The following PTPRD variants were observed in gnomAD, a reference collection of about 807,000 sequenced individuals.
The protein encoded by PTPRD is protein tyrosine phosphatase receptor type D.
Under a neutral mutation model 214.5 loss-of-function variants are expected in PTPRD, and 34 were observed. The observed-to-expected ratio is 0.16, with a 90% confidence interval of 0.12 to 0.21. The LOEUF is 0.21. Ranked by LOEUF, PTPRD falls within the 10% of genes least tolerant of loss-of-function variation. The pLI, the probability that PTPRD is intolerant of heterozygous loss-of-function variation, is 1.00. For missense variants in PTPRD, 2,545 were observed against 2,398.7 expected (o/e 1.06, Z -1.27); for synonymous variants, 1,128 against 845.7 (o/e 1.33, Z -5.79).
At chr9:8,757,372 T>C (rs1349012779) in intron 11 of PTPRD, among the ~76,000 whole-genome samples, 1 of 152,050 alleles carries the variant, frequency 6.6e-6, no homozygotes, top group Non-Finnish European at 1.5e-5. Flanking sequence ...AAAAAGCGTA[T>C]CAATAATCAG....
intron 6 of PTPRD, among the ~76,000 whole-genome samples, chr9:9,754,239 T>C (rs1223576800): frequency 6.6e-6 from 1 of 152,068 alleles, no homozygotes; most frequent in Non-Finnish European, 1.5e-5. Flanking sequence ...TTAATATGAC[T>C]TCCTGGTTCT....
chr9:8,331,723 C>A lies in PTPRD; in HGVS notation c.5393G>T (p.Arg1798Leu), dbSNP rs367558329. ...AGTGAACTGGAACTGCCTTACTGTT[C>A]GGGACTGGCCGTCCTTTAGAAGGAA... ...KVTDARDGQS[R>L]TVRQFQFTDW... The change falls in exon 44 of 46, where the codon CGA (arginine) becomes CTA (leucine). Residue 1798 changes from arginine to leucine, a missense_variant. Transcript: ENST00000381196. 5 of 1,599,100 alleles carry A rather than the reference C, an allele frequency of 3.1e-6. No individual in the cohort carries two copies. The South Asian group carries it at 3.4e-5, about 11-fold the overall frequency.
intron 11 of PTPRD, among the ~76,000 whole-genome samples, chr9:8,768,970 G>A (rs1485657310): frequency 6.6e-6 from 1 of 152,152 alleles, no homozygotes; most frequent in Admixed American, 6.6e-5. Flanking sequence ...CAGATTTCCC[G>A]TGTTTCAAGG....
intron 9 of PTPRD, among the ~76,000 whole-genome samples, chr9:9,247,323 T>A (rs2099973515): frequency 6.6e-6 from 1 of 152,058 alleles, no homozygotes; most frequent in African/African-American, 2.4e-5. Context: ...TTGTGTCCAA[T>A]CACATTTCTA....
chr9:8,506,332 T>G (rs1425647490), intron 22 of PTPRD, among the ~76,000 whole-genome samples: 1 of 152,148 alleles, frequency 6.6e-6, no homozygotes, highest in African/African-American at 2.4e-5. Context: ...ATTAACTCCT[T>G]TTGTCCTAAT....
chr9:8,529,524 G>A (rs984970000), intron 14 of PTPRD, among the ~76,000 whole-genome samples: 1 of 152,116 alleles, frequency 6.6e-6, no homozygotes, highest in Admixed American at 6.6e-5. Context: ...ATCATTTTCA[G>A]TAATTAAAAA....
intron 2 of PTPRD, among the ~76,000 whole-genome samples, chr9:10,472,765 A>T (rs1294556115): frequency 6.6e-6 from 1 of 152,086 alleles, no homozygotes; most frequent in Non-Finnish European, 1.5e-5. Flanking sequence ...CATCCTAGAA[A>T]ACTCAAATTA....
chr9:9,875,024 A>C (rs976110841), intron 5 of PTPRD, among the ~76,000 whole-genome samples: 4 of 152,176 alleles, frequency 2.6e-5, no homozygotes, highest in Admixed American at 2.6e-4. Context: ...AAGGATTCTG[A>C]GAATGATTAG....
chr9:8,547,924 C>G (rs940080707), intron 14 of PTPRD, among the ~76,000 whole-genome samples: 14 of 152,168 alleles, frequency 9.2e-5, no homozygotes, highest in African/African-American at 3.1e-4. Context: ...CTCAGACTCT[C>G]TGTGTAAAAC....
chr9:9,113,233 C>G (rs189687576), intron 10 of PTPRD, among the ~76,000 whole-genome samples: 1 of 152,008 alleles, frequency 6.6e-6, no homozygotes, highest in African/African-American at 2.4e-5. Flanking sequence ...CTTCAGCCCC[C>G]CGAGGTGCTA....
chr9:9,605,446 T>C (rs1436414489), intron 7 of PTPRD, among the ~76,000 whole-genome samples: 1 of 152,014 alleles, frequency 6.6e-6, no homozygotes, highest in Non-Finnish European at 1.5e-5. Flanking sequence ...TCTACGTATA[T>C]TGTCACTATA....
intron 35 of PTPRD, among the ~76,000 whole-genome samples, chr9:8,428,333 AT>A (rs1364691281): frequency 6.6e-6 from 1 of 152,190 alleles, no homozygotes. Context: ...GGAATAGTAA[AT>A]TTAGCCATTC....
At chr9:8,941,072 G>A (rs1265823284) in intron 11 of PTPRD, among the ~76,000 whole-genome samples, 3 of 152,052 alleles carry the variant, frequency 2.0e-5, no homozygotes, top group African/African-American at 7.2e-5. Flanking sequence ...CCCATCTCAA[G>A]AAATCATTTG....
chr9:8,907,615 A>C (rs1053001651), intron 11 of PTPRD, among the ~76,000 whole-genome samples: 9 of 150,762 alleles, frequency 6.0e-5, no homozygotes, highest in Non-Finnish European at 1.3e-4. Flanking sequence ...GCAACTATTA[A>C]AAACAACTAG....
chr9:9,717,868 A>C (rs1321071314), intron 7 of PTPRD, among the ~76,000 whole-genome samples: 1 of 152,190 alleles, frequency 6.6e-6, no homozygotes, highest in Non-Finnish European at 1.5e-5. Flanking sequence ...CTTAGGGCAA[A>C]AAATATATAT....
At chr9:9,475,967 T>C (rs1297762128) in intron 8 of PTPRD, among the ~76,000 whole-genome samples, 1 of 152,146 alleles carries the variant, frequency 6.6e-6, no homozygotes, top group East Asian at 1.9e-4. Flanking sequence ...ATTAAAATCT[T>C]AGGTAGAACT....
intron 11 of PTPRD, among the ~76,000 whole-genome samples, chr9:8,925,649 G>T (rs780136144): frequency 6.9e-6 from 1 of 144,286 alleles, no homozygotes; most frequent in Non-Finnish European, 1.5e-5. Flanking sequence ...ACATCAACGT[G>T]ATATAAATAG....
chr9:8,557,435 CAT>C (rs34006120), intron 14 of PTPRD, among the ~76,000 whole-genome samples: 131 of 133,410 alleles, frequency 9.8e-4, no homozygotes, highest in Middle Eastern at 3.8e-3. Context: ...TTTGTAAATA[CAT>C]ATATATATAT....
Position 8,526,636 on chromosome 9 carries a change from G to T in PTPRD, c.559C>A (p.Pro187Thr). 6.3e-7 allele frequency: 1 copy of T among 1,578,588 alleles called. No homozygotes were observed. The highest frequency in any genetic ancestry group is 8.6e-7 in the Non-Finnish European group (1 of 1,160,282). The change falls in exon 17 of 46, where the codon CCA (proline) becomes ACA (threonine). Residue 187 changes from proline to threonine, a missense_variant. Coordinates refer to ENST00000381196, the MANE Select transcript of PTPRD (RefSeq NM_002839.4). ...QLRSESIGGT[P>T]IRGALQIEQS... The stretch of plus-strand genomic sequence containing the variant: ...AGTTCAGCACTCTTACCTCTTATTG[G>T]TGTACCACCTGGGTGGATAATATGA...
Sources: gnomAD v4.1 joint callset for allele counts (sites outside exome capture counted in the v4.1 genomes callset) on GRCh38, gnomAD v4.1.1 for gene constraint, MANE v1.5 for transcripts, NCBI Gene and HGNC (gene_info 2026-07-23, HGNC 2026-07-21) for gene names.